The following PUM2 variants were observed in gnomAD, a reference collection of about 807,000 sequenced individuals.
PUM2 encodes the protein pumilio homolog 2.
A neutral mutation model predicts 124.5 loss-of-function variants in PUM2; 57 were observed. The observed-to-expected ratio is 0.46, with a 90% CI of 0.37 to 0.57. The LOEUF is 0.57. Ranked by LOEUF, PUM2 falls within the 20% of genes least tolerant of loss-of-function variation. The pLI, the probability that PUM2 is intolerant of heterozygous loss-of-function variation, is 0.00. For missense variants in PUM2, 1,065 were observed against 1,290.6 expected, an observed-to-expected ratio of 0.83 and a Z score of 2.68; for synonymous variants, 460 against 446.1, an observed-to-expected ratio of 1.03 and a Z score of -0.39.
chr2:20,258,430 G>C (rs182819385), intron 15 of PUM2, 59 bp from the exon 16 acceptor site: 2 of 1,540,674 alleles, frequency 1.3e-6, no homozygotes, highest in East Asian at 2.3e-5. Context: ...TGTTGAACTT[G>C]AGTAAGGCAG....
chr2:20,330,070 GA>G (rs1156922333), intron 1 of PUM2, among the ~76,000 whole-genome samples: 3 of 151,802 alleles, frequency 2.0e-5, no homozygotes, highest in African/African-American at 7.3e-5. Context: ...AAAAAGTCCT[GA>G]AGATTGCCAG....
chr2:20,282,886 T>C, intron 12 of PUM2, 61 bp downstream of exon 12: 1 of 1,496,924 alleles, frequency 6.7e-7, no homozygotes, highest in Non-Finnish European at 9.1e-7. Context: ...ATTTTAATGT[T>C]AAACACACTC....
rs1369256784 is a variant in PUM2, at chr2:20,261,923, C to A, written c.2225+1270G>T. On this transcript the variant is annotated intron_variant, in intron 14 of 20. Transcript: ENST00000361078. The stretch of plus-strand genomic sequence containing the variant: ...GCCTGGCAACACAGTGAGACCCTGT[C>A]TCTACAAAAAAATTTTAAGTAATTA... 2.0e-5 allele frequency among the ~76,000 whole-genome samples: 3 copies of A among 152,078 alleles called. No individual in the cohort carries two copies. The East Asian group carries it at 5.8e-4, about 29-fold the overall frequency.
intron 7 of PUM2, among the ~76,000 whole-genome samples, chr2:20,307,765 G>A (rs933055025): frequency 3.9e-5 from 6 of 152,102 alleles, no homozygotes; most frequent in Non-Finnish European, 2.9e-5. Flanking sequence ...AACTTTTATC[G>A]AATTACAGAT....
intron 1 of PUM2, among the ~76,000 whole-genome samples, chr2:20,343,169 C>T (rs148057375): frequency 2.6e-5 from 4 of 152,146 alleles, no homozygotes; most frequent in African/African-American, 9.6e-5. Flanking sequence ...AATAAACTTA[C>T]TTTATTCACT....
chr2:20,333,175 T>C (rs1685273600), intron 1 of PUM2: 1 of 152,194 alleles, frequency 6.6e-6, no homozygotes, highest in Admixed American at 6.6e-5. Context: ...GAAAAACAGG[T>C]GAAGCATTCA....
At chr2:20,336,527 TTTTTA>T (rs1453083672) in intron 1 of PUM2, among the ~76,000 whole-genome samples, 1 of 151,948 alleles carries the variant, frequency 6.6e-6, no homozygotes, top group African/African-American at 2.4e-5. Context: ...ATTTTTTTTT[TTTTTA>T]AAGAGACAGG....
Position 20,250,771 on chromosome 2 carries a change from C to T in PUM2, c.*814G>A, listed in dbSNP as rs1455727575. ...AAGCAAAACAAAATACAAATTTCCA[C>T]TCTTTCTCATTGCAAACCAAACTGA... is the stretch of plus-strand genomic sequence containing the variant. On this transcript the variant is annotated 3_prime_UTR_variant, in exon 21 of 21. Coordinates refer to ENST00000361078, the MANE Select transcript of PUM2 (RefSeq NM_015317.5). The T allele has an allele frequency of 6.6e-6, 1 of 152,580 alleles. No homozygotes were observed. Among genetic ancestry groups the T allele is most frequent in the African/African-American group, 2.4e-5 (1 of 41,456 alleles). The allele number at this position is 152,580 out of a possible 1,614,324, so 9.5% of individuals were successfully genotyped here. A position where few individuals can be genotyped will look rare whatever the true frequency, so the allele number is the denominator to read the frequency against.
chr2:20,263,557 T>G (rs1341716673), intron 13 of PUM2, 97 bp from the exon 14 acceptor site: 2 of 1,354,220 alleles, frequency 1.5e-6, no homozygotes, highest in African/African-American at 2.9e-5. Context: ...AAAGAAATAT[T>G]TCCCCCCACT....
chr2:20,335,412 C>G (rs1685787875), intron 1 of PUM2, among the ~76,000 whole-genome samples: 1 of 152,170 alleles, frequency 6.6e-6, no homozygotes, highest in African/African-American at 2.4e-5. Flanking sequence ...AATCTAAATC[C>G]AGGTTTAGGT....
rs376247414 is a variant in PUM2, at chr2:20,256,030, T to C, written c.2622+3A>G. On this transcript the variant is annotated splice_donor_region_variant and intron_variant, in intron 17 of 20. Transcript: ENST00000361078. ...CAAATTATAAGCCAAAACTCAAACA[T>C]ACTTGTCCCTTGAAAGCATCAATGA... The C allele has an allele frequency of 6.5e-7, 1 of 1,542,670 alleles. No individual in the cohort carries two copies. The highest frequency in any genetic ancestry group is 8.7e-7 in the Non-Finnish European group (1 of 1,152,082).
At chr2:20,290,883 T>G in intron 9 of PUM2, 93 bp from the exon 10 acceptor site, 1 of 1,037,560 alleles carries the variant, frequency 9.6e-7, no homozygotes, top group Non-Finnish European at 1.3e-6. Flanking sequence ...CAAACAGCCT[T>G]TGGATATTTT....
chr2:20,346,634 A>G (rs1688292626), intron 1 of PUM2, among the ~76,000 whole-genome samples: 1 of 152,236 alleles, frequency 6.6e-6, no homozygotes, highest in Non-Finnish European at 1.5e-5. Context: ...TGGCTACTAC[A>G]ATAAGATAGA....
intron 1 of PUM2, among the ~76,000 whole-genome samples, chr2:20,345,442 G>T (rs1688062654): frequency 6.6e-6 from 1 of 152,106 alleles, no homozygotes; most frequent in African/African-American, 2.4e-5. Flanking sequence ...TCAGTGGCAG[G>T]CTAGCATGCT....
At chr2:20,268,641 A>AATATATAT (rs72044779) in intron 13 of PUM2, among the ~76,000 whole-genome samples, 130 of 150,348 alleles carry the variant, frequency 8.6e-4, no homozygotes, top group African/African-American at 3.1e-3. Flanking sequence ...AAACAAACAA[A>AATATATAT]ATATATATAT....
At chr2:20,253,005 T>A (rs958014667) in intron 20 of PUM2, among the ~76,000 whole-genome samples, 10 of 152,224 alleles carry the variant, frequency 6.6e-5, no homozygotes, top group Admixed American at 2.6e-4. Context: ...ATGTTTAGGT[T>A]ATATGCAAAT....
chr2:20,258,918 C>T (rs1665512144), intron 15 of PUM2, among the ~76,000 whole-genome samples: 4 of 151,836 alleles, frequency 2.6e-5, no homozygotes, highest in South Asian at 4.1e-4. Flanking sequence ...CCACCCGCCT[C>T]GGCCTCCCAA....
chr2:20,349,241 C>G (rs1224028439), intron 1 of PUM2, among the ~76,000 whole-genome samples: 2 of 152,108 alleles, frequency 1.3e-5, no homozygotes, highest in Non-Finnish European at 2.9e-5. Flanking sequence ...GACCTGTAAA[C>G]AAAATTTAAA....
At chr2:20,325,348 T>C (rs1009498661) in intron 2 of PUM2, among the ~76,000 whole-genome samples, 6 of 152,160 alleles carry the variant, frequency 3.9e-5, no homozygotes, top group Admixed American at 2.6e-4. Flanking sequence ...TCACTTTTAC[T>C]CTCCATATCT....
Sources: allele counts gnomAD v4.1 joint callset (sites outside exome capture counted in the v4.1 genomes callset), GRCh38; gene constraint gnomAD v4.1.1; transcripts MANE v1.5; gene names NCBI Gene and HGNC (gene_info 2026-07-23, HGNC 2026-07-21).